Variants in PALM observed in about 807,000 individuals in gnomAD.
The protein encoded by PALM is paralemmin.
Under a neutral mutation model 30.7 loss-of-function variants are expected in PALM, and 18 were observed. The observed-to-expected ratio is 0.59, with a 90% CI of 0.41 to 0.87. PALM has a LOEUF of 0.87. PALM is among the 40% of genes least tolerant of loss of function. The pLI, the probability that PALM is intolerant of heterozygous loss-of-function variation, is 0.00. For synonymous variants in PALM, 286 were observed against 242.8 expected, an observed-to-expected ratio of 1.18 and a Z score of -1.66; for missense variants, 529 against 555.4, an observed-to-expected ratio of 0.95 and a Z score of 0.48.
chr19:731,052 C>A, intron 4 of PALM, 43 bp from the exon 5 acceptor site: 1 of 1,385,364 alleles, frequency 7.2e-7, no homozygotes, highest in Admixed American at 2.5e-5. Flanking sequence ...AGAGCCCCAC[C>A]GGGGATGCAG....
At chr19:741,419 A>AG (rs1452640347) in intron 8 of PALM, among the ~76,000 whole-genome samples, 1 of 140,392 alleles carries the variant, frequency 7.1e-6, no homozygotes, top group Non-Finnish European at 1.6e-5. Flanking sequence ...TGCAGGGGTG[A>AG]GGGGAGACGG....
intron 1 of PALM, chr19:719,541 C>A (rs989084842): frequency 8.1e-6 from 8 of 985,460 alleles, no homozygotes; most frequent in African/African-American, 1.8e-5. Context: ...GCTCGGAGAC[C>A]CAGCACCTGC....
At chr19:733,173 G>A (rs145578409) in intron 5 of PALM, among the ~76,000 whole-genome samples, 2,952 of 152,156 alleles carry the variant, frequency 0.019, 54 homozygotes, top group East Asian at 0.07. Context: ...TGATCCGCCC[G>A]CCTCGGCCTC....
At chr19:737,161 C>T (rs558596904) in intron 7 of PALM, among the ~76,000 whole-genome samples, 17 of 152,276 alleles carry the variant, frequency 1.1e-4, no homozygotes, top group African/African-American at 3.1e-4. Context: ...GTCTCCAGCA[C>T]GGTCCAGGGT....
Position 748,179 on chromosome 19 carries a change from C to T in PALM, c.*1365C>T, listed in dbSNP as rs142903502. The T allele has an allele frequency of 6.6e-3, 1,004 of 152,626 alleles. 31 individuals are homozygous for T. The highest frequency in any genetic ancestry group is 2.8e-3 in the Non-Finnish European group (194 of 68,106). 9.5% of individuals were successfully genotyped at this position (152,626 alleles called of 1,614,324 possible). ...ACCTGGGCGTCAGCCGTGGAACCCC[C>T]TCCTCCTCCCTGGAGTCTGCCTGAG... is the stretch of plus-strand genomic sequence containing the variant. On this transcript the variant is annotated 3_prime_UTR_variant, in exon 9 of 9. Coordinates refer to ENST00000338448, the MANE Select transcript of PALM (RefSeq NM_002579.3).
chr19:719,126 C>A, intron 1 of PALM: 1 of 985,318 alleles, frequency 1.0e-6, no homozygotes, highest in Non-Finnish European at 1.2e-6. Context: ...CCTGCCCGGG[C>A]AGGGACCCCC....
At position 746,529 on chromosome 19, in the gene PALM, C is replaced by T; in HGVS notation, c.879C>T (p.Gly293=). The change falls in exon 9 of 9, where the codon GGC becomes GGT. Residue 293 remains glycine (G), a synonymous_variant. Transcript: ENST00000338448. This position sits in a 1 kb window ranked among gnomAD's most constrained non-coding sequence, Gnocchi z 7.1. ...ATSGPPGIQP[G]QEPPVTMIFM... The stretch of plus-strand genomic sequence containing the variant: ...CCGGCCCGCCGGGGATCCAGCCCGG[C>T]CAGGAGCCCCCGGTCACAATGATCT... 6.2e-7 allele frequency: 1 copy of T among 1,613,072 alleles called. No individual in the cohort carries two copies. Among genetic ancestry groups the T allele is most frequent in the Non-Finnish European group, 8.5e-7 (1 of 1,179,884 alleles).
intron 8 of PALM, among the ~76,000 whole-genome samples, chr19:744,114 A>T (rs2033267075): frequency 6.6e-6 from 1 of 152,220 alleles, no homozygotes; most frequent in South Asian, 2.1e-4. Context: ...AAAATGAATA[A>T]CATTGGCCGG....
intron 7 of PALM, among the ~76,000 whole-genome samples, chr19:737,525 G>A (rs2033058064): frequency 6.6e-6 from 1 of 152,212 alleles, no homozygotes; most frequent in African/African-American, 2.4e-5. Flanking sequence ...AGGACGTTGA[G>A]CTGGAGGAAG....
intron 1 of PALM, among the ~76,000 whole-genome samples, chr19:716,959 T>G: frequency 6.7e-6 from 1 of 148,688 alleles, no homozygotes; most frequent in African/African-American, 2.5e-5. Context: ...TGAGACAGAG[T>G]CTCTCTGTCA....
At chr19:726,585 G>C (rs565437408) in intron 2 of PALM, among the ~76,000 whole-genome samples, 1 of 152,212 alleles carries the variant, frequency 6.6e-6, no homozygotes, top group African/African-American at 2.4e-5. Context: ...CTGTGACGTG[G>C]CCCGATTCCT....
At chr19:722,054 G>T (rs1340329178) in intron 1 of PALM, among the ~76,000 whole-genome samples, 1 of 152,166 alleles carries the variant, frequency 6.6e-6, no homozygotes, top group Non-Finnish European at 1.5e-5. Flanking sequence ...GAGTAGCTGG[G>T]ACTACAGGCA....
chr19:728,271 G>A (rs2032757401), intron 4 of PALM, among the ~76,000 whole-genome samples: 1 of 152,184 alleles, frequency 6.6e-6, no homozygotes, highest in African/African-American at 2.4e-5. Context: ...GGCCCAGGCT[G>A]TGCTCGGGGG....
intron 8 of PALM, among the ~76,000 whole-genome samples, chr19:744,749 C>T (rs983354065): frequency 6.6e-6 from 1 of 151,282 alleles, no homozygotes; most frequent in Non-Finnish European, 1.5e-5. Flanking sequence ...CAAAAATCAG[C>T]CGGGCATGGT....
At position 727,002 on chromosome 19, in the gene PALM, C is replaced by A; in HGVS notation, c.58-6C>A. ...CATCCCTGACCCCACCCGGCCCTCCCCACAGGAGAAGCGGAAGCGGCAGGC... is the reference window on the plus strand; with the variant it reads ...CATCCCTGACCCCACCCGGCCCTCCACACAGGAGAAGCGGAAGCGGCAGGC... On this transcript the variant is annotated splice_region_variant and splice_polypyrimidine_tract_variant and intron_variant, in intron 2 of 8. Coordinates refer to ENST00000338448, the MANE Select transcript of PALM (RefSeq NM_002579.3). 2 of 1,519,324 alleles carry A rather than the reference C, an allele frequency of 1.3e-6. No individual in the cohort carries two copies. Among genetic ancestry groups the A allele is most frequent in the Non-Finnish European group, 1.8e-6 (2 of 1,120,582 alleles). The allele number at this position is 1,519,324 out of a possible 1,614,324, so 94.1% of individuals were successfully genotyped here.
At chr19:719,460 G>A in intron 1 of PALM, 4 of 985,206 alleles carry the variant, frequency 4.1e-6, no homozygotes, top group Non-Finnish European at 4.8e-6. Flanking sequence ...AGGCCTGTGC[G>A]CGCCGGGGTG....
chr19:736,483 A>T (rs559152790), intron 7 of PALM, among the ~76,000 whole-genome samples: 1 of 152,164 alleles, frequency 6.6e-6, no homozygotes, highest in African/African-American at 2.4e-5. Flanking sequence ...CCCGGGAGAA[A>T]GTGGGTGCCC....
intron 4 of PALM, chr19:727,901 G>C: frequency 1.8e-6 from 1 of 570,064 alleles, no homozygotes; most frequent in Non-Finnish European, 3.1e-6. Flanking sequence ...CAGCTTGCTG[G>C]GGGCAGAGGC....
At chr19:743,190 G>T (rs578179233) in intron 8 of PALM, among the ~76,000 whole-genome samples, 1 of 152,306 alleles carries the variant, frequency 6.6e-6, no homozygotes, top group South Asian at 2.1e-4. Context: ...CCGCAGCCCA[G>T]CTCTGGAGTG....
Sources: allele counts gnomAD v4.1 joint callset (sites outside exome capture counted in the v4.1 genomes callset), GRCh38; gene constraint gnomAD v4.1.1; non-coding constraint Gnocchi (gnomAD v3.1); transcripts MANE v1.5; gene names NCBI Gene and HGNC (gene_info 2026-07-23, HGNC 2026-07-21).